The following SOX5 variants were observed in gnomAD, a reference collection of about 807,000 sequenced individuals.
SOX5 encodes transcription factor SOX-5.
In SOX5, 9 loss-of-function variants were observed where a neutral mutation model predicts 92.0. The ratio of observed to expected loss-of-function variants is 0.10; its 90% CI spans 0.06 to 0.17. SOX5 has a LOEUF of 0.17. Ranked by LOEUF, SOX5 falls within the 10% of genes least tolerant of loss-of-function variation. The pLI, the probability that SOX5 is intolerant of heterozygous loss-of-function variation, is 1.00. For synonymous variants in SOX5, 344 were observed against 336.3 expected (o/e 1.02, Z -0.25); for missense variants, 642 against 944.5 (o/e 0.68, Z 4.20).
chr12:23,853,543 G>GT (rs67299596), intron 2 of SOX5, among the ~76,000 whole-genome samples: 10,802 of 129,018 alleles, frequency 0.084, 466 homozygotes, highest in East Asian at 0.12. Context: ...TGTCTAACGT[G>GT]TTTTTTTTTT....
chr12:24,051,923 T>G (rs1210410367), intron 4 of SOX5, among the ~76,000 whole-genome samples: 1 of 152,232 alleles, frequency 6.6e-6, no homozygotes, highest in Non-Finnish European at 1.5e-5. Context: ...GAAGCTCTTT[T>G]CTCAAAGATT....
intron 3 of SOX5, among the ~76,000 whole-genome samples, chr12:23,782,061 G>A (rs1005982291): frequency 2.6e-4 from 40 of 152,056 alleles, no homozygotes; most frequent in African/African-American, 7.9e-4. Flanking sequence ...ATAGAAGCAT[G>A]CAACAAATGT....
rs543661160 is a variant in SOX5 at position 23,554,152 on chromosome 12, T to C, written c.1489-7728A>G. ...AATGAATAGCTGAAACTTCGTCACT[T>C]GTTTTATCAGAGCTGCTAGGAGAAA... On this transcript the variant is annotated intron_variant, in intron 11 of 14. Coordinates refer to ENST00000451604, the MANE Select transcript of SOX5 (RefSeq NM_006940.6). 2.0e-5 allele frequency among the ~76,000 whole-genome samples: 3 copies of C among 152,230 alleles called. No individual in the cohort carries two copies. In the South Asian group the frequency reaches 6.2e-4, roughly 32 times the overall value.
chr12:24,278,412 T>C (rs1194007684), intron 2 of SOX5, among the ~76,000 whole-genome samples: 4 of 152,106 alleles, frequency 2.6e-5, no homozygotes, highest in African/African-American at 9.7e-5. Context: ...AAAATTATCA[T>C]TAAAAACTTT....
intron 4 of SOX5, among the ~76,000 whole-genome samples, chr12:24,019,036 C>T (rs537705248): frequency 2.0e-5 from 3 of 152,216 alleles, no homozygotes; most frequent in Admixed American, 2.0e-4. Flanking sequence ...TGCAGTGGCA[C>T]CATCATGGCT....
intron 4 of SOX5, among the ~76,000 whole-genome samples, chr12:24,057,604 A>T (rs1239138321): frequency 6.6e-6 from 1 of 152,240 alleles, no homozygotes; most frequent in Admixed American, 6.5e-5. Context: ...AATATCAAGT[A>T]ACAAAAATAA....
At chr12:24,067,409 T>G (rs1393608204) in intron 4 of SOX5, among the ~76,000 whole-genome samples, 2 of 151,940 alleles carry the variant, frequency 1.3e-5, no homozygotes, top group African/African-American at 4.8e-5. Flanking sequence ...CAGATTCCCT[T>G]GCAGCCCCAA....
rs368887115 is a variant in SOX5 at position 23,742,497 on chromosome 12, T to C, written c.569-1458A>G. Among the ~76,000 whole-genome samples, 29 of 152,234 alleles carry C rather than the reference T, an allele frequency of 1.9e-4. No homozygotes were observed. The East Asian group carries it at 3.1e-3, about 16-fold the overall frequency. ...GAATAATAGCCACATGACTATTATA[T>C]CCTAATATTAAATAATATAAATATA... is the stretch of plus-strand genomic sequence containing the variant. On this transcript the variant is annotated intron_variant, in intron 4 of 14. Transcript: ENST00000451604.
At chr12:24,027,571 G>T (rs569150682) in intron 4 of SOX5, among the ~76,000 whole-genome samples, 1 of 152,082 alleles carries the variant, frequency 6.6e-6, no homozygotes, top group African/African-American at 2.4e-5. Context: ...ATAGCAAGAG[G>T]CAGAGTAGTG....
rs529358080 is a variant in SOX5 at position 24,140,969 on chromosome 12, A to G, written c.-2+72374T>C. On this transcript the variant is annotated intron_variant, in intron 4 of 4. Transcript: ENST00000446891. ...TCTATCAAGTTACACATATTTTAAA[A>G]GACAGTTTTTAAAAAATAACTAATC... is the stretch of plus-strand genomic sequence containing the variant. Among the ~76,000 whole-genome samples, 14 of 152,314 alleles carry G rather than the reference A, an allele frequency of 9.2e-5. No individual in the cohort carries two copies. In the East Asian group the frequency reaches 2.7e-3, roughly 29 times the overall value.
intron 6 of SOX5, among the ~76,000 whole-genome samples, chr12:23,732,758 T>A (rs1186043478): frequency 6.6e-6 from 1 of 152,166 alleles, no homozygotes; most frequent in Non-Finnish European, 1.5e-5. Context: ...CCACAAAAGT[T>A]CTATTATAGT....
intron 1 of SOX5, among the ~76,000 whole-genome samples, chr12:24,405,342 C>T (rs1962676953): frequency 1.3e-5 from 2 of 152,106 alleles, no homozygotes; most frequent in African/African-American, 4.8e-5. Context: ...TTGAATCTTG[C>T]TTCTTTCTCC....
At chr12:23,799,740 C>T (rs1451357999) in intron 3 of SOX5, among the ~76,000 whole-genome samples, 1 of 151,878 alleles carries the variant, frequency 6.6e-6, no homozygotes, top group East Asian at 1.9e-4. Context: ...TTAATACTAA[C>T]AAAATTTATC....
chr12:24,334,249 G>C (rs189088173), intron 2 of SOX5, among the ~76,000 whole-genome samples: 3 of 152,064 alleles, frequency 2.0e-5, no homozygotes, highest in African/African-American at 4.8e-5. Context: ...ATAGATTTTA[G>C]TGTAAACCTA....
intron 4 of SOX5, among the ~76,000 whole-genome samples, chr12:24,056,799 C>A (rs1026457023): frequency 6.7e-6 from 1 of 149,780 alleles, no homozygotes; most frequent in Non-Finnish European, 1.5e-5. Context: ...AACGGTGAAA[C>A]CCCGTCTCTA....
intron 4 of SOX5, among the ~76,000 whole-genome samples, chr12:24,077,378 A>G (rs1942760678): frequency 6.6e-6 from 1 of 152,072 alleles, no homozygotes; most frequent in Non-Finnish European, 1.5e-5. Context: ...ACGATACTCC[A>G]TGTTTTCCTT....
Position 24,110,443 on chromosome 12 carries a change from C to A in SOX5, c.-2+102900G>T, listed in dbSNP as rs376320820. ...AAGTGCTTGCTAAAAGTTTGATAAA[C>A]AAATGGATGACTGATCTGGGAAGAG... On this transcript the variant is annotated intron_variant, in intron 4 of 4. Coordinates refer to the SOX5 transcript ENST00000446891. Among the ~76,000 whole-genome samples the A allele has an allele frequency of 5.8e-4, 89 of 152,278 alleles. No individual in the cohort carries two copies. The Middle Eastern group carries it at 0.01, about 17-fold the overall frequency.
chr12:23,811,110 C>T (rs962960475), intron 3 of SOX5, among the ~76,000 whole-genome samples: 13 of 152,024 alleles, frequency 8.6e-5, no homozygotes, highest in Non-Finnish European at 1.3e-4. Context: ...TTTCTGTATT[C>T]TTATGAACAC....
At chr12:24,071,836 T>C (rs1382707684) in intron 4 of SOX5, among the ~76,000 whole-genome samples, 3 of 152,134 alleles carry the variant, frequency 2.0e-5, no homozygotes, top group Admixed American at 6.5e-5. Flanking sequence ...TGAGGAGGGG[T>C]AGATTATGTT....
Sources: gnomAD v4.1 joint callset for allele counts (sites outside exome capture counted in the v4.1 genomes callset) on GRCh38, gnomAD v4.1.1 for gene constraint, MANE v1.5 for transcripts, NCBI Gene and HGNC (gene_info 2026-07-23, HGNC 2026-07-21) for gene names.